The following WWOX variants were observed in gnomAD, a reference collection of about 807,000 sequenced individuals.
The protein encoded by WWOX is WW domain containing oxidoreductase, also known as WW domain-containing oxidoreductase.
Under a neutral mutation model 46.2 loss-of-function variants are expected in WWOX, and 69 were observed. That is an observed-to-expected ratio of 1.49 (90% CI 1.23 to 1.82). The LOEUF is 1.82. WWOX is among the 40% of genes most tolerant of loss of function. WWOX has a pLI of 0.00. For synonymous variants in WWOX, 359 were observed against 202.6 expected (o/e 1.77, Z -6.56); for missense variants, 919 against 542.6 (o/e 1.69, Z -6.89).
intron 8 of WWOX, chr16:78,897,266 A>AG (rs1555562291): frequency 3.6e-5 from 5 of 137,104 alleles, no homozygotes; most frequent in Non-Finnish European, 6.2e-5. Context: ...AAAAAAAAAA[A>AG]CCAAAAAAAC....
chr16:78,787,642 T>C (rs908798814), intron 8 of WWOX, among the ~76,000 whole-genome samples: 1 of 152,204 alleles, frequency 6.6e-6, no homozygotes, highest in Non-Finnish European at 1.5e-5. Flanking sequence ...TGTTTTTATG[T>C]TTTCTGCAAA....
At chr16:79,000,593 C>A (rs1167905088) in intron 8 of WWOX, among the ~76,000 whole-genome samples, 1 of 152,062 alleles carries the variant, frequency 6.6e-6, no homozygotes, top group Non-Finnish European at 1.5e-5. Flanking sequence ...CGTCTAGAAG[C>A]CAGAAGAGGC....
At chr16:78,240,651 C>T (rs1443653517) in intron 5 of WWOX, among the ~76,000 whole-genome samples, 1 of 152,206 alleles carries the variant, frequency 6.6e-6, no homozygotes, top group Non-Finnish European at 1.5e-5. Flanking sequence ...TCTACAGTCT[C>T]TGGAAGTCTC....
chr16:78,148,866 C>G (rs1007432173), intron 4 of WWOX, among the ~76,000 whole-genome samples: 1 of 131,298 alleles, frequency 7.6e-6, no homozygotes, highest in South Asian at 2.4e-4. Flanking sequence ...CCACTGCACT[C>G]CAGCCTGGGC....
chr16:78,370,377 A>C (rs1051434710), intron 5 of WWOX, among the ~76,000 whole-genome samples: 2 of 152,148 alleles, frequency 1.3e-5, no homozygotes, highest in African/African-American at 4.8e-5. Flanking sequence ...ACTGTGTAAG[A>C]ATTGGCCATC....
chr16:78,832,325 G>C (rs555929470), intron 8 of WWOX, among the ~76,000 whole-genome samples: 28 of 152,322 alleles, frequency 1.8e-4, no homozygotes, highest in African/African-American at 6.7e-4. Context: ...GATGATCTCA[G>C]AGAGAGTGTG....
chr16:78,808,567 A>G (rs1451655200), intron 8 of WWOX, among the ~76,000 whole-genome samples: 1 of 152,218 alleles, frequency 6.6e-6, no homozygotes, highest in African/African-American at 2.4e-5. Flanking sequence ...TGGAAAAGTC[A>G]GTAGCCAACA....
intron 8 of WWOX, among the ~76,000 whole-genome samples, chr16:79,039,907 C>G (rs997760206): frequency 2.0e-5 from 3 of 152,152 alleles, no homozygotes; most frequent in African/African-American, 7.2e-5. Flanking sequence ...ACGCTGGGCT[C>G]CATGCCATCC....
intron 8 of WWOX, among the ~76,000 whole-genome samples, chr16:78,850,592 T>C (rs534519570): frequency 6.6e-6 from 1 of 152,324 alleles, no homozygotes; most frequent in African/African-American, 2.4e-5. Context: ...TACGATTCCT[T>C]GGAGTTCCAC....
intron 6 of WWOX, among the ~76,000 whole-genome samples, chr16:78,401,919 C>A (rs1597170841): frequency 6.6e-6 from 1 of 152,076 alleles, no homozygotes; most frequent in East Asian, 1.9e-4. Flanking sequence ...AAGCTGGTCT[C>A]AAACTCCTGA....
At chr16:78,890,016 A>C (rs906368338) in intron 8 of WWOX, among the ~76,000 whole-genome samples, 49 of 152,050 alleles carry the variant, frequency 3.2e-4, no homozygotes, top group Admixed American at 1.6e-3. Context: ...AATGTTAGGA[A>C]TTTTCTGAAG....
At chr16:79,104,688 G>A (rs536116951) in intron 8 of WWOX, among the ~76,000 whole-genome samples, 56 of 152,184 alleles carry the variant, frequency 3.7e-4, no homozygotes, top group Non-Finnish European at 5.3e-4. Context: ...TGTAATCCCC[G>A]TTCCTCTGTT....
At chr16:78,161,530 T>G (rs895393839) in intron 4 of WWOX, among the ~76,000 whole-genome samples, 13 of 152,172 alleles carry the variant, frequency 8.5e-5, no homozygotes, top group Non-Finnish European at 1.5e-4. Flanking sequence ...GACTGTGCCC[T>G]TGAACTCTTG....
chr16:78,640,610 C>G (rs2046684284), intron 8 of WWOX, among the ~76,000 whole-genome samples: 1 of 152,102 alleles, frequency 6.6e-6, no homozygotes, highest in Non-Finnish European at 1.5e-5. Flanking sequence ...ACCTACACAT[C>G]CTGCACATTG....
At position 78,885,503 on chromosome 16, in the gene WWOX, C is replaced by T. The variant is rs192211978; in HGVS notation, c.1057-326105C>T. ...TGAATTTAAAAGCAGCAAAATAGTT[C>T]TTCACAGTTTTCCCAGTGAAACTAA... is the stretch of plus-strand genomic sequence containing the variant. On this transcript the variant is annotated intron_variant, in intron 8 of 8. Transcript: ENST00000566780. Among the ~76,000 whole-genome samples, 11 of 152,270 alleles carry T rather than the reference C, an allele frequency of 7.2e-5. No individual in the cohort carries two copies. The East Asian group carries it at 2.1e-3, about 29-fold the overall frequency.
At chr16:78,255,651 G>A (rs1393455341) in intron 5 of WWOX, among the ~76,000 whole-genome samples, 6 of 152,078 alleles carry the variant, frequency 3.9e-5, no homozygotes, top group Non-Finnish European at 7.4e-5. Flanking sequence ...AGGAAAATAC[G>A]TACACTTGAG....
chr16:78,538,676 C>T (rs538164692), intron 8 of WWOX, among the ~76,000 whole-genome samples: 112 of 152,244 alleles, frequency 7.4e-4, no homozygotes, highest in Middle Eastern at 6.8e-3. Context: ...TTTTTCATAA[C>T]CCTTTACTAG....
At chr16:78,306,644 C>T (rs1407657441) in intron 5 of WWOX, among the ~76,000 whole-genome samples, 1 of 152,016 alleles carries the variant, frequency 6.6e-6, no homozygotes, top group Non-Finnish European at 1.5e-5. Context: ...CAACTCCTTA[C>T]CACAATTCCC....
intron 8 of WWOX, among the ~76,000 whole-genome samples, chr16:79,027,496 A>G (rs1476215629): frequency 1.3e-5 from 2 of 151,754 alleles, no homozygotes; most frequent in African/African-American, 2.4e-5. Context: ...ATAAGAACTA[A>G]TGACTTCTGC....
Sources: allele counts gnomAD v4.1 joint callset (sites outside exome capture counted in the v4.1 genomes callset), GRCh38; gene constraint gnomAD v4.1.1; transcripts MANE v1.5; gene names NCBI Gene and HGNC (gene_info 2026-07-23, HGNC 2026-07-21).